Variants in SYT16 observed in about 807,000 individuals in gnomAD.
SYT16 encodes synaptotagmin-16.
Under a neutral mutation model 61.4 loss-of-function variants are expected in SYT16, and 42 were observed. The observed-to-expected ratio is 0.68, with a 90% confidence interval of 0.53 to 0.89. The LOEUF (loss-of-function observed/expected upper bound fraction) is 0.89, where lower values mean the gene tolerates loss of function less well. Among genes scored for constraint, SYT16 ranks in the 40% least tolerant of loss-of-function variants. SYT16 has a pLI of 0.00. For missense variants in SYT16, 804 were observed against 807.3 expected, an observed-to-expected ratio of 1.00 and a Z score of 0.05; for synonymous variants, 314 against 302.3, an observed-to-expected ratio of 1.04 and a Z score of -0.40.
chr14:62,064,334 GAA>G (rs781727444), intron 3 of SYT16, among the ~76,000 whole-genome samples: 51 of 42,988 alleles, frequency 1.2e-3, no homozygotes, highest in South Asian at 2.2e-3. Flanking sequence ...CTTTAAATTT[GAA>G]AAAAAAAAAA....
At chr14:62,079,260 A>G (rs2056620147) in intron 5 of SYT16, 1 of 666,866 alleles carries the variant, frequency 1.5e-6, no homozygotes, top group South Asian at 3.1e-5. Flanking sequence ...GAATAGAAAC[A>G]CTCACGCATG....
chr14:61,828,655 A>G (rs574005216), intron 1 of SYT16, among the ~76,000 whole-genome samples: 41 of 152,360 alleles, frequency 2.7e-4, no homozygotes, highest in Non-Finnish European at 5.3e-4. Context: ...AGAAATGGAA[A>G]AGAAGAAAAA....
intron 7 of SYT16, among the ~76,000 whole-genome samples, chr14:62,097,430 G>A (rs539668461): frequency 1.7e-4 from 26 of 152,224 alleles, no homozygotes; most frequent in African/African-American, 6.0e-4. Flanking sequence ...TATTTACTTA[G>A]CTAGAGTCTT....
In SYT16 at chr14:61,865,998, C is replaced by G. The variant is rs2047140624; in HGVS notation, c.-325+53188C>G. ...AAATTATTGGATCTTATTAATATTT[C>G]AGATGATAGAATACATCCTACAGAA... On this transcript the variant is annotated intron_variant, in intron 1 of 7. Coordinates refer to ENST00000683842, the MANE Select transcript of SYT16 (RefSeq NM_001367656.1). 2.0e-5 allele frequency among the ~76,000 whole-genome samples: 3 copies of G among 152,210 alleles called. No homozygotes were observed. The South Asian group carries it at 6.2e-4, about 32-fold the overall frequency.
chr14:61,940,028 G>A (rs755358811), intron 1 of SYT16, among the ~76,000 whole-genome samples: 54 of 151,956 alleles, frequency 3.6e-4, no homozygotes, highest in Middle Eastern at 3.2e-3. Context: ...GGCAATGCTC[G>A]TTTCTTACCA....
chr14:61,902,066 T>C (rs969318458), intron 1 of SYT16, among the ~76,000 whole-genome samples: 6 of 152,170 alleles, frequency 3.9e-5, no homozygotes, highest in Non-Finnish European at 7.3e-5. Context: ...CCAGACCTGC[T>C]TATAATTATT....
chr14:61,933,356 A>G (rs1349626438), intron 1 of SYT16, among the ~76,000 whole-genome samples: 1 of 152,236 alleles, frequency 6.6e-6, no homozygotes, highest in Non-Finnish European at 1.5e-5. Context: ...CTAAAATTAC[A>G]AAATAAAATC....
At chr14:62,058,423 T>A (rs1003421648) in intron 3 of SYT16, among the ~76,000 whole-genome samples, 4 of 146,640 alleles carry the variant, frequency 2.7e-5, no homozygotes, top group African/African-American at 5.0e-5. Context: ...AGTGGTGCAA[T>A]CTCGGCTCAC....
At chr14:61,850,073 T>C (rs373167672) in intron 1 of SYT16, among the ~76,000 whole-genome samples, 1 of 152,160 alleles carries the variant, frequency 6.6e-6, no homozygotes, top group East Asian at 1.9e-4. Flanking sequence ...TTAGTAATAG[T>C]CATTCTGACT....
At chr14:61,906,368 G>A (rs769943141) in intron 1 of SYT16, among the ~76,000 whole-genome samples, 5 of 152,084 alleles carry the variant, frequency 3.3e-5, no homozygotes, top group African/African-American at 7.2e-5. Context: ...CTGTAGCCTC[G>A]AATGCCTGGG....
intron 1 of SYT16, among the ~76,000 whole-genome samples, chr14:61,937,826 C>T (rs1276898789): frequency 7.2e-5 from 11 of 151,980 alleles, no homozygotes; most frequent in African/African-American, 1.5e-4. Flanking sequence ...CCAGGGACTC[C>T]CATGTTTATG....
At chr14:61,903,302 G>C (rs1474949481) in intron 1 of SYT16, among the ~76,000 whole-genome samples, 1 of 150,480 alleles carries the variant, frequency 6.6e-6, no homozygotes, top group Non-Finnish European at 1.5e-5. Context: ...TTCAACCTGT[G>C]TAACCCCTGG....
At chr14:62,011,912 TACAC>T (rs71449574) in intron 3 of SYT16, among the ~76,000 whole-genome samples, 5 of 83,646 alleles carry the variant, frequency 6.0e-5, no homozygotes, top group African/African-American at 2.4e-4. Flanking sequence ...CACATATATA[TACAC>T]ACACACACAC....
chr14:62,092,756 G>T (rs916902701), intron 7 of SYT16, among the ~76,000 whole-genome samples: 4 of 152,024 alleles, frequency 2.6e-5, no homozygotes, highest in Non-Finnish European at 5.9e-5. Flanking sequence ...TCATTTAATG[G>T]ATATGGAGTT....
At chr14:61,858,837 C>CTT (rs1163516492) in intron 1 of SYT16, among the ~76,000 whole-genome samples, 15 of 150,170 alleles carry the variant, frequency 1.0e-4, no homozygotes, top group African/African-American at 3.5e-4. Flanking sequence ...AAATCATTTT[C>CTT]TTTTTTCTTT....
chr14:62,033,604 G>T (rs928977273), intron 3 of SYT16, among the ~76,000 whole-genome samples: 1 of 152,086 alleles, frequency 6.6e-6, no homozygotes, highest in Non-Finnish European at 1.5e-5. Flanking sequence ...GACTGAGTTA[G>T]TGCCCCATAG....
At position 61,844,604 on chromosome 14, in the gene SYT16, T is replaced by C. The variant is rs893410714; in HGVS notation, c.-325+31794T>C. ...GTTTTTATCATGAAGGGATGTTGAA[T>C]TTTATTAAATGCTTTTTCAGCATCA... On this transcript the variant is annotated intron_variant, in intron 1 of 7. Coordinates refer to ENST00000683842, the MANE Select transcript of SYT16 (RefSeq NM_001367656.1). 3.3e-5 allele frequency among the ~76,000 whole-genome samples: 5 copies of C among 152,214 alleles called. No homozygotes were observed. In the South Asian group the frequency reaches 6.2e-4, roughly 19 times the overall value.
At chr14:61,901,984 A>C (rs2048539572) in intron 1 of SYT16, among the ~76,000 whole-genome samples, 1 of 152,044 alleles carries the variant, frequency 6.6e-6, no homozygotes, top group South Asian at 2.1e-4. Flanking sequence ...CTGGTCTCTT[A>C]ACTCCTAACC....
At chr14:62,047,493 C>A (rs2055047792) in intron 3 of SYT16, among the ~76,000 whole-genome samples, 1 of 152,120 alleles carries the variant, frequency 6.6e-6, no homozygotes, top group Admixed American at 6.5e-5. Context: ...TTGCCCTGGC[C>A]AGAACTTCCA....
Sources: allele counts gnomAD v4.1 joint callset (sites outside exome capture counted in the v4.1 genomes callset), GRCh38; gene constraint gnomAD v4.1.1; transcripts MANE v1.5; gene names NCBI Gene and HGNC (gene_info 2026-07-23, HGNC 2026-07-21).